Variants in EPHA6 observed in about 807,000 individuals in gnomAD.
EPHA6 encodes ephrin type-A receptor 6.
A neutral mutation model predicts 112.0 loss-of-function variants in EPHA6; 50 were observed. That is an observed-to-expected ratio of 0.45 (90% CI 0.36 to 0.56). The LOEUF (loss-of-function observed/expected upper bound fraction) is 0.56, where lower values mean the gene tolerates loss of function less well. EPHA6 is among the 20% of genes least tolerant of loss of function. EPHA6 has a pLI of 0.00. For missense variants in EPHA6, 1,280 were observed against 1,417.4 expected (o/e 0.90, Z 1.56); for synonymous variants, 529 against 490.7 (o/e 1.08, Z -1.03).
chr3:97,692,904 C>T (rs1051103349), intron 14 of EPHA6, among the ~76,000 whole-genome samples: 1 of 152,102 alleles, frequency 6.6e-6, no homozygotes, highest in African/African-American at 2.4e-5. Context: ...GTTACCTGAC[C>T]TTTAGAATTA....
At chr3:97,143,710 T>C (rs1323670931) in intron 3 of EPHA6, among the ~76,000 whole-genome samples, 1 of 151,712 alleles carries the variant, frequency 6.6e-6, no homozygotes, top group East Asian at 1.9e-4. Context: ...ATGGCTTCCT[T>C]CATGTTGTAT....
chr3:96,975,978 T>G (rs1559636793), intron 2 of EPHA6, among the ~76,000 whole-genome samples: 1 of 152,186 alleles, frequency 6.6e-6, no homozygotes, highest in African/African-American at 2.4e-5. Flanking sequence ...GGAGTTGTAA[T>G]GTTTTGTATT....
intron 3 of EPHA6, among the ~76,000 whole-genome samples, chr3:97,057,441 A>G (rs2045887319): frequency 6.6e-6 from 1 of 152,188 alleles, no homozygotes; most frequent in African/African-American, 2.4e-5. Context: ...TCTGTCCTCA[A>G]AAGAGACTTT....
chr3:97,221,308 C>CAAAAAAAAAAAA (rs57025573), intron 3 of EPHA6, among the ~76,000 whole-genome samples: 1 of 16,404 alleles, frequency 6.1e-5, no homozygotes, highest in African/African-American at 1.3e-4. Context: ...GACTCTGTCT[C>CAAAAAAAAAAAA]AAAAAAAAAA....
intron 11 of EPHA6, among the ~76,000 whole-genome samples, chr3:97,536,203 C>T (rs770843488): frequency 5.9e-5 from 9 of 152,010 alleles, no homozygotes; most frequent in South Asian, 2.1e-4. Context: ...ACATATACAC[C>T]GGTGTCATTA....
chr3:97,169,130 C>T (rs1203885648), intron 3 of EPHA6, among the ~76,000 whole-genome samples: 4 of 152,088 alleles, frequency 2.6e-5, no homozygotes, highest in Admixed American at 6.6e-5. Context: ...TTTCCTTCAG[C>T]GTTGAAAGAG....
At chr3:97,570,498 G>A (rs939022344) in intron 11 of EPHA6, among the ~76,000 whole-genome samples, 8 of 152,168 alleles carry the variant, frequency 5.3e-5, no homozygotes, top group African/African-American at 9.7e-5. Context: ...TTGGGAGGCT[G>A]AGGCAGGTGG....
At chr3:97,192,560 C>A (rs1380506293) in intron 3 of EPHA6, among the ~76,000 whole-genome samples, 1 of 152,024 alleles carries the variant, frequency 6.6e-6, no homozygotes, top group Non-Finnish European at 1.5e-5. Context: ...CGTATATTTT[C>A]TTCTATTCTG....
intron 3 of EPHA6, among the ~76,000 whole-genome samples, chr3:97,171,875 A>G (rs933511491): frequency 1.1e-4 from 17 of 152,234 alleles, no homozygotes; most frequent in East Asian, 1.9e-4. Flanking sequence ...TTGGTAAACT[A>G]TAGGTTAAAA....
chr3:97,629,679 C>A (rs2107530344), intron 13 of EPHA6, among the ~76,000 whole-genome samples: 1 of 151,856 alleles, frequency 6.6e-6, no homozygotes, highest in South Asian at 2.1e-4. Flanking sequence ...TTGTTTGTAC[C>A]ATTTATGAGA....
intron 2 of EPHA6, among the ~76,000 whole-genome samples, chr3:96,910,441 T>G (rs527351647): frequency 5.5e-4 from 84 of 152,216 alleles, no homozygotes; most frequent in Middle Eastern, 3.4e-3. Flanking sequence ...ATCACTGTTT[T>G]GCTCAAAACC....
chr3:97,745,305 G>T (rs1010165508), intron 16 of EPHA6: 4 of 427,660 alleles, frequency 9.4e-6, no homozygotes, highest in Non-Finnish European at 1.4e-5. Flanking sequence ...AGTATTTGTT[G>T]GTAGATGCTA....
intron 14 of EPHA6, among the ~76,000 whole-genome samples, chr3:97,680,325 G>C (rs1177560587): frequency 1.3e-5 from 2 of 152,152 alleles, no homozygotes; most frequent in East Asian, 3.9e-4. Context: ...TTCCCATGTA[G>C]AAACACACTT....
intron 11 of EPHA6, chr3:97,559,742 C>T (rs1305439076): frequency 2.4e-6 from 1 of 409,080 alleles, no homozygotes. Context: ...GATAGACTTG[C>T]TTGTGCAAAT....
At chr3:97,448,201 C>G (rs1337283946) in intron 6 of EPHA6, among the ~76,000 whole-genome samples, 1 of 152,160 alleles carries the variant, frequency 6.6e-6, no homozygotes, top group Non-Finnish European at 1.5e-5. Flanking sequence ...AATTCTCCCA[C>G]CTTTGCTCCT....
intron 3 of EPHA6, among the ~76,000 whole-genome samples, chr3:97,110,866 G>A (rs2047702259): frequency 1.3e-5 from 2 of 151,950 alleles, no homozygotes; most frequent in Admixed American, 6.6e-5. Flanking sequence ...GGAATTCAGA[G>A]AGTTAATGTG....
At chr3:96,939,228 T>A (rs1333369588) in intron 2 of EPHA6, among the ~76,000 whole-genome samples, 1 of 152,196 alleles carries the variant, frequency 6.6e-6, no homozygotes, top group African/African-American at 2.4e-5. Flanking sequence ...TGTGAATCCA[T>A]CTGGTCCTGG....
At chr3:97,738,007 A>G (rs1341310172) in intron 16 of EPHA6, among the ~76,000 whole-genome samples, 1 of 152,112 alleles carries the variant, frequency 6.6e-6, no homozygotes, top group Non-Finnish European at 1.5e-5. Flanking sequence ...GTAAAATAAA[A>G]CATGAAATGT....
At chr3:97,036,472 T>G (rs1322886362) in intron 3 of EPHA6, among the ~76,000 whole-genome samples, 2 of 151,964 alleles carry the variant, frequency 1.3e-5, no homozygotes, top group Non-Finnish European at 2.9e-5. Flanking sequence ...GCTGTGAGTG[T>G]TTTTTGCATT....
Sources: gnomAD v4.1 joint callset for allele counts (sites outside exome capture counted in the v4.1 genomes callset) on GRCh38, gnomAD v4.1.1 for gene constraint, MANE v1.5 for transcripts, NCBI Gene and HGNC (gene_info 2026-07-23, HGNC 2026-07-21) for gene names.